ZSWIM6: variants seen among roughly 807,000 people sequenced by gnomAD.
The protein encoded by ZSWIM6 is zinc finger SWIM-type containing 6.
A neutral mutation model predicts 113.2 loss-of-function variants in ZSWIM6; 9 were observed. The ratio of observed to expected loss-of-function variants is 0.08; its 90% CI spans 0.05 to 0.14. ZSWIM6 has a LOEUF of 0.14. ZSWIM6 is among the 10% of genes least tolerant of loss of function. ZSWIM6 has a pLI of 1.00. For missense variants in ZSWIM6, 1,162 were observed against 1,552.2 expected (o/e 0.75, Z 4.22); for synonymous variants, 611 against 606.5 (o/e 1.01, Z -0.11).
At chr5:61,384,794 A>T (rs535590707) in intron 1 of ZSWIM6, among the ~76,000 whole-genome samples, 4 of 152,282 alleles carry the variant, frequency 2.6e-5, no homozygotes, top group South Asian at 4.1e-4. Flanking sequence ...GCGGTGGGTC[A>T]CACCTGTAAT....
intron 1 of ZSWIM6, among the ~76,000 whole-genome samples, chr5:61,369,601 T>C (rs532048591): frequency 6.6e-6 from 1 of 152,298 alleles, no homozygotes; most frequent in South Asian, 2.1e-4. Flanking sequence ...CTTAGAAAGA[T>C]TTATTTGAAA....
At chr5:61,428,340 T>C (rs1185934917) in intron 1 of ZSWIM6, among the ~76,000 whole-genome samples, 1 of 152,182 alleles carries the variant, frequency 6.6e-6, no homozygotes, top group Non-Finnish European at 1.5e-5. Context: ...TCCTGAGTTT[T>C]AAGAGCCATT....
chr5:61,357,828 G>A (rs552240983), intron 1 of ZSWIM6, among the ~76,000 whole-genome samples: 2 of 152,082 alleles, frequency 1.3e-5, no homozygotes, highest in Non-Finnish European at 2.9e-5. Context: ...TTTCACAAGT[G>A]TCTGTAAATT....
intron 1 of ZSWIM6, among the ~76,000 whole-genome samples, chr5:61,407,393 A>G (rs1442800670): frequency 2.0e-5 from 3 of 152,222 alleles, no homozygotes; most frequent in Admixed American, 6.5e-5. Context: ...TGCATGGGGA[A>G]TGACAGTCTG....
chr5:61,375,667 G>T (rs1745359079), intron 1 of ZSWIM6: 2 of 1,546,030 alleles, frequency 1.3e-6, no homozygotes, highest in African/African-American at 2.7e-5. Flanking sequence ...GATGTATTCT[G>T]AAGATAAACC....
intron 1 of ZSWIM6, among the ~76,000 whole-genome samples, chr5:61,435,515 A>G (rs1746686911): frequency 6.6e-6 from 1 of 152,228 alleles, no homozygotes; most frequent in Non-Finnish European, 1.5e-5. Context: ...GCTAGAAAGA[A>G]CAAATAGAGT....
At chr5:61,505,011 A>C (rs986087631) in intron 4 of ZSWIM6, among the ~76,000 whole-genome samples, 6 of 152,186 alleles carry the variant, frequency 3.9e-5, no homozygotes, top group Admixed American at 3.3e-4. Flanking sequence ...TTGGCAATAG[A>C]TGTAATATGT....
intron 1 of ZSWIM6, among the ~76,000 whole-genome samples, chr5:61,404,586 A>G (rs1205661915): frequency 6.6e-6 from 1 of 152,218 alleles, no homozygotes; most frequent in Non-Finnish European, 1.5e-5. Context: ...CACTGTTGCT[A>G]AAGCTTTTGC....
chr5:61,427,807 G>A (rs953761745), intron 1 of ZSWIM6, among the ~76,000 whole-genome samples: 6 of 151,966 alleles, frequency 3.9e-5, no homozygotes, highest in Non-Finnish European at 8.8e-5. Flanking sequence ...ATCTATGGTT[G>A]GTTGAATCTA....
At chr5:61,366,825 G>A (rs1290152067) in intron 1 of ZSWIM6, among the ~76,000 whole-genome samples, 3 of 151,780 alleles carry the variant, frequency 2.0e-5, no homozygotes, top group African/African-American at 7.3e-5. Flanking sequence ...GCTACTTGGG[G>A]GGCTGAGGTG....
chr5:61,403,549 G>T (rs923111700), intron 1 of ZSWIM6, among the ~76,000 whole-genome samples: 1 of 152,102 alleles, frequency 6.6e-6, no homozygotes, highest in Non-Finnish European at 1.5e-5. Flanking sequence ...TTTATTTCTC[G>T]CATGGGTGCC....
chr5:61,355,218 G>C (rs1024740811), intron 1 of ZSWIM6, among the ~76,000 whole-genome samples: 1 of 152,126 alleles, frequency 6.6e-6, no homozygotes, highest in Non-Finnish European at 1.5e-5. Context: ...TTGTGACTTA[G>C]TTTTCTGTTC....
rs1262946696 is a variant in ZSWIM6, at chr5:61,332,791, TGCCGCCGCCGCCGCCGCC to T, written c.534_551del (p.Ala179_Ala184del). 5.0e-5 allele frequency: 38 copies of T among 766,774 alleles called. No homozygotes were observed. The highest frequency in any genetic ancestry group is 6.8e-5 in the South Asian group (1 of 14,688). 47.5% of individuals were successfully genotyped at this position (766,774 alleles called of 1,614,324 possible). On this transcript the variant is annotated inframe_deletion, in exon 1 of 14. Coordinates refer to ENST00000252744, the MANE Select transcript of ZSWIM6 (RefSeq NM_020928.2). ...CCGCAACCTCGGCCGCCGCCGCCGC[TGCCGCCGCCGCCGCCGCC>T]GCCGCCGCCGCCGCGGGGGCCGGGG...
chr5:61,505,708 CTTCCTTCCTTCCTTCCT>C, intron 4 of ZSWIM6, among the ~76,000 whole-genome samples: 1 of 126,306 alleles, frequency 7.9e-6, no homozygotes. Flanking sequence ...TCCTTCCTCC[CTTCCTTCCTTCCTTCCT>C]TCCCTCTCTC....
chr5:61,474,504 A>C (rs1747657436), intron 2 of ZSWIM6, among the ~76,000 whole-genome samples: 1 of 152,234 alleles, frequency 6.6e-6, no homozygotes. Context: ...TAAAATATCA[A>C]TCCAACACAT....
At chr5:61,342,167 C>T (rs142221656) in intron 1 of ZSWIM6, among the ~76,000 whole-genome samples, 1 of 152,154 alleles carries the variant, frequency 6.6e-6, no homozygotes, top group Non-Finnish European at 1.5e-5. Context: ...ATGTGAGTCA[C>T]CACACCCGGC....
At chr5:61,357,600 G>T (rs1744941807) in intron 1 of ZSWIM6, among the ~76,000 whole-genome samples, 1 of 151,470 alleles carries the variant, frequency 6.6e-6, no homozygotes, top group Admixed American at 6.6e-5. Flanking sequence ...ATGGGGTCTG[G>T]CAGTGATCAG....
At chr5:61,374,522 G>A (rs1745327607) in intron 1 of ZSWIM6, among the ~76,000 whole-genome samples, 1 of 152,090 alleles carries the variant, frequency 6.6e-6, no homozygotes, top group African/African-American at 2.4e-5. Context: ...TTTGTACTTG[G>A]TGGAGCAAAA....
chr5:61,354,717 A>G (rs1415042852), intron 1 of ZSWIM6, among the ~76,000 whole-genome samples: 3 of 152,194 alleles, frequency 2.0e-5, no homozygotes, highest in Non-Finnish European at 4.4e-5. Flanking sequence ...ATTTAAATTC[A>G]TACATCACTT....
Sources: allele counts gnomAD v4.1 joint callset (sites outside exome capture counted in the v4.1 genomes callset), GRCh38; gene constraint gnomAD v4.1.1; transcripts MANE v1.5; gene names NCBI Gene and HGNC (gene_info 2026-07-23, HGNC 2026-07-21).